Variants in GATC observed in about 807,000 individuals in gnomAD.
GATC encodes glutamyl-tRNA(Gln) amidotransferase subunit C, mitochondrial.
GATC carries 11 observed loss-of-function variants against 14.4 expected under a neutral mutation model. That is an observed-to-expected ratio of 0.77 (90% confidence interval 0.48 to 1.27). The LOEUF (loss-of-function observed/expected upper bound fraction) is 1.27. Ranked by LOEUF, GATC falls within the 50% of genes most tolerant of loss-of-function variation. The pLI, the probability that GATC is intolerant of heterozygous loss-of-function variation, is 0.00. For missense variants in GATC, 204 were observed against 183.0 expected, an observed-to-expected ratio of 1.11 and a Z score of -0.66; for synonymous variants, 76 against 79.3, an observed-to-expected ratio of 0.96 and a Z score of 0.22.
chr12:120,454,430 AG>A (rs369113989), intron 2 of GATC, among the ~76,000 whole-genome samples: 25 of 152,252 alleles, frequency 1.6e-4, no homozygotes, highest in African/African-American at 5.5e-4. Context: ...CTAAGCTCTT[AG>A]CCTTTTTGAG....
At position 120,461,018 on chromosome 12, in the gene GATC, TAGAATC is replaced by T. The variant is rs1393597134; in HGVS notation, c.*1063_*1068del. On this transcript the variant is annotated 3_prime_UTR_variant, in exon 4 of 4. Transcript: ENST00000551765. ...AGTCTCAAAAAAAAAAAAAAAGTGA[TAGAATC>T]AGAGAGTTTTTCCTCTAACCAAACT... 2 of 144,968 alleles carry T rather than the reference TAGAATC, an allele frequency of 1.4e-5. No homozygotes were observed. Among genetic ancestry groups the T allele is most frequent in the Non-Finnish European group, 3.0e-5 (2 of 66,688 alleles). 9.0% of individuals were successfully genotyped at this position (144,968 alleles called of 1,614,324 possible). A position where few individuals can be genotyped will look rare whatever the true frequency, so the allele number is the denominator to read the frequency against.
chr12:120,459,776 A>G, intron 3 of GATC, 131 bp from the exon 4 acceptor site: 1 of 540,326 alleles, frequency 1.9e-6, no homozygotes, highest in Non-Finnish European at 3.4e-6. Context: ...GAATGGCGTG[A>G]ACCCCAGGGG....
chr12:120,449,254 G>A (rs371421294), intron 2 of GATC, among the ~76,000 whole-genome samples: 1 of 152,010 alleles, frequency 6.6e-6, no homozygotes, highest in Non-Finnish European at 1.5e-5. Flanking sequence ...CACTGTGCCT[G>A]GCTATACTTA....
At chr12:120,459,250 T>G (rs919877275) in intron 3 of GATC, among the ~76,000 whole-genome samples, 2 of 152,214 alleles carry the variant, frequency 1.3e-5, no homozygotes, top group African/African-American at 4.8e-5. Flanking sequence ...GCCTGATAGT[T>G]GTGGCTCCAG....
rs1383442121 is a variant in GATC at position 120,463,307 on chromosome 12, C to T, written c.*3348C>T. The T allele has an allele frequency of 6.6e-6, 1 of 152,182 alleles. No homozygotes were observed. The highest frequency in any genetic ancestry group is 1.5e-5 in the Non-Finnish European group (1 of 68,054). 9.4% of individuals were successfully genotyped at this position (152,182 alleles called of 1,614,324 possible). ...GTTTAGCCTGGCACAGTGGTGCATG[C>T]CTGCAGTCCCAACTACTGGAGAGGC... On this transcript the variant is annotated 3_prime_UTR_variant, in exon 4 of 4. Coordinates refer to ENST00000551765, the MANE Select transcript of GATC (RefSeq NM_176818.3).
Position 120,462,872 on chromosome 12 carries a change from G to C in GATC, c.*2913G>C, listed in dbSNP as rs779311299. The C allele has an allele frequency of 6.6e-6, 1 of 152,194 alleles. No homozygotes were observed. Among genetic ancestry groups the C allele is most frequent in the African/African-American group, 2.4e-5 (1 of 41,434 alleles). 9.4% of individuals were successfully genotyped at this position (152,194 alleles called of 1,614,324 possible). ...CACCTTAGGTGAAAGTCAGTAATTGGAGTTACCCTTTCTGAGGCCCTGCTT... is the reference window on the plus strand; with the variant it reads ...CACCTTAGGTGAAAGTCAGTAATTGCAGTTACCCTTTCTGAGGCCCTGCTT... On this transcript the variant is annotated 3_prime_UTR_variant, in exon 4 of 4. Coordinates refer to ENST00000551765, the MANE Select transcript of GATC (RefSeq NM_176818.3).
intron 2 of GATC, among the ~76,000 whole-genome samples, chr12:120,448,787 A>G (rs1192884926): frequency 6.6e-6 from 1 of 150,688 alleles, no homozygotes; most frequent in Admixed American, 6.6e-5. Flanking sequence ...CTGGGACTAC[A>G]GGCGCCCGCC....
intron 3 of GATC, among the ~76,000 whole-genome samples, chr12:120,459,511 T>C (rs1015374402): frequency 6.6e-6 from 1 of 152,136 alleles, no homozygotes; most frequent in African/African-American, 2.4e-5. Flanking sequence ...CATGAGAAAG[T>C]AGTGATCAGT....
chr12:120,458,949 C>T (rs1182909441), intron 3 of GATC, among the ~76,000 whole-genome samples: 1 of 152,160 alleles, frequency 6.6e-6, no homozygotes, highest in Non-Finnish European at 1.5e-5. Flanking sequence ...CAAGCTCCAC[C>T]TTCCACGTTC....
Position 120,459,885 on chromosome 12 carries a change from CTCTTT to C in GATC, c.359-20_359-16del. 1 of 1,596,860 alleles carries C rather than the reference CTCTTT, an allele frequency of 6.3e-7. No homozygotes were observed. The highest frequency in any genetic ancestry group is 8.6e-7 in the Non-Finnish European group (1 of 1,165,718). On this transcript the variant is annotated splice_polypyrimidine_tract_variant and intron_variant, in intron 3 of 3. Transcript: ENST00000551765. ...AAAAACAAACAAACAAACAAAAATT[CTCTTT>C]TGTTATTTTCAAACAGGTAATATCT...
intron 2 of GATC, among the ~76,000 whole-genome samples, chr12:120,453,170 C>T (rs1878095963): frequency 1.3e-5 from 2 of 152,178 alleles, no homozygotes; most frequent in Non-Finnish European, 2.9e-5. Context: ...GGAGAACGGT[C>T]CCATCAGTGA....
chr12:120,451,875 C>CTTTTATTTTTTTTT (rs1878055975), intron 2 of GATC, among the ~76,000 whole-genome samples: 1 of 90,794 alleles, frequency 1.1e-5, no homozygotes, highest in African/African-American at 4.2e-5. Flanking sequence ...TATATAAATT[C>CTTTTATTTTTTTTT]TTTTTTTTTT....
intron 3 of GATC, among the ~76,000 whole-genome samples, chr12:120,458,128 C>T (rs904179653): frequency 2.8e-5 from 4 of 144,150 alleles, no homozygotes; most frequent in East Asian, 2.1e-4. Context: ...GATGGAGTCT[C>T]GCTCGGTCAC....
chr12:120,456,363 A>G (rs557481144), intron 2 of GATC, among the ~76,000 whole-genome samples: 2 of 152,292 alleles, frequency 1.3e-5, no homozygotes, highest in South Asian at 2.1e-4. Context: ...CACATCCACC[A>G]AAGTGGCTGT....
chr12:120,454,955 T>G (rs1323072531), intron 2 of GATC: 2 of 449,598 alleles, frequency 4.4e-6, no homozygotes, highest in Non-Finnish European at 8.9e-6. Context: ...TGGTGTGATC[T>G]CCGCTCACTA....
At chr12:120,451,278 G>A (rs912871875) in intron 2 of GATC, among the ~76,000 whole-genome samples, 2 of 150,720 alleles carry the variant, frequency 1.3e-5, no homozygotes, top group African/African-American at 2.4e-5. Context: ...AACCCCATCT[G>A]TACTAAAAAT....
chr12:120,446,818 C>G lies in GATC; in HGVS notation c.243C>G (p.Val81=). 1 of 1,602,612 alleles carries G rather than the reference C, an allele frequency of 6.2e-7. No homozygotes were observed. Among genetic ancestry groups the G allele is most frequent in the Non-Finnish European group, 8.5e-7 (1 of 1,172,026 alleles). ...ACGGGGTGGAGCCCATGGAATCGGT[C>G]CTGGAGGACAGGTAAACTCGCGGCT... ...DTDGVEPMES[V]LEDRCLYLRS... The change falls in exon 2 of 4, where the codon GTC becomes GTG. Residue 81 remains valine, a synonymous_variant. Transcript: ENST00000551765.
At chr12:120,448,559 C>T (rs1010629705) in intron 2 of GATC, among the ~76,000 whole-genome samples, 24 of 151,100 alleles carry the variant, frequency 1.6e-4, no homozygotes, top group Non-Finnish European at 2.4e-4. Context: ...GAACCCCTGG[C>T]CTCAAGTGAT....
intron 2 of GATC, among the ~76,000 whole-genome samples, chr12:120,447,331 T>C (rs970859692): frequency 1.3e-5 from 2 of 152,068 alleles, no homozygotes; most frequent in African/African-American, 4.8e-5. Flanking sequence ...CGCCTCGGCC[T>C]CCCAAAGTGC....
Sources: allele counts gnomAD v4.1 joint callset (sites outside exome capture counted in the v4.1 genomes callset), GRCh38; gene constraint gnomAD v4.1.1; transcripts MANE v1.5; gene names NCBI Gene and HGNC (gene_info 2026-07-23, HGNC 2026-07-21).